The following WWP2 variants were observed in gnomAD, a reference collection of about 807,000 sequenced individuals.
WWP2 encodes the protein NEDD4-like E3 ubiquitin-protein ligase WWP2.
In WWP2, 57 loss-of-function variants were observed where a neutral mutation model predicts 121.0. The observed-to-expected ratio is 0.47, with a 90% CI of 0.38 to 0.59. The LOEUF is 0.59. Among genes scored for constraint, WWP2 ranks in the 20% least tolerant of loss-of-function variants. The probability of loss-of-function intolerance (pLI) is 0.00; values close to 1 mark genes in which losing one functional copy is unlikely to be tolerated. For synonymous variants in WWP2, 449 were observed against 441.3 expected (o/e 1.02, Z -0.22); for missense variants, 962 against 1,158.9 (o/e 0.83, Z 2.47).
In WWP2 at chr16:69,908,956, C is replaced by T. The variant is rs1299412833; in HGVS notation, c.1004+106C>T. 5.2e-5 allele frequency: 81 copies of T among 1,549,906 alleles called. No homozygotes were observed. In the Middle Eastern group the frequency reaches 6.6e-4, roughly 13 times the overall value. On this transcript the variant is annotated intron_variant, in intron 9 of 23. Coordinates refer to ENST00000359154, the MANE Select transcript of WWP2 (RefSeq NM_001270454.2). ...CTGCGGAGGTAGCATAGCACAGTGA[C>T]GTTTATTCCGGGTCACTTGATTGCT...
chr16:69,894,185 C>G (rs2058072598), intron 8 of WWP2, among the ~76,000 whole-genome samples: 2 of 151,936 alleles, frequency 1.3e-5, no homozygotes, highest in Non-Finnish European at 2.9e-5. Context: ...AAGTAATACT[C>G]CTGCCTCGGC....
chr16:69,919,549 G>A (rs975848045), intron 10 of WWP2, among the ~76,000 whole-genome samples: 3 of 152,174 alleles, frequency 2.0e-5, no homozygotes, highest in Non-Finnish European at 4.4e-5. Flanking sequence ...CCGTGTCCCT[G>A]TGGGAACCCT....
intron 6 of WWP2, among the ~76,000 whole-genome samples, chr16:69,869,940 A>T (rs546125067): frequency 2.6e-5 from 4 of 152,266 alleles, no homozygotes; most frequent in African/African-American, 9.6e-5. Flanking sequence ...GGAACTTTCT[A>T]TTATAGCTCT....
rs2038625869 is a variant in WWP2, at chr16:69,762,400, C to G, written c.-16+9C>G. On this transcript the variant is annotated intron_variant, in intron 1 of 23. Transcript: ENST00000359154. ...TTCTGTGGCCACGGCAGGTAGCGAG[C>G]GCTGGCGCGGGGGGCGCGGTGGGCT... 6.7e-6 allele frequency: 1 copy of G among 149,742 alleles called. No homozygotes were observed. The highest frequency in any genetic ancestry group is 1.5e-5 in the Non-Finnish European group (1 of 67,146). 9.3% of individuals were successfully genotyped at this position (149,742 alleles called of 1,614,324 possible).
chr16:69,855,479 G>A (rs1198757991), intron 6 of WWP2, among the ~76,000 whole-genome samples: 1 of 152,184 alleles, frequency 6.6e-6, no homozygotes, highest in East Asian at 1.9e-4. Flanking sequence ...GAATCCCAGA[G>A]TGTTCCTTTT....
At chr16:69,774,907 T>G (rs2055490925) in intron 1 of WWP2, 1 of 143,628 alleles carries the variant, frequency 7.0e-6, no homozygotes, top group Non-Finnish European at 1.5e-5. Context: ...GAGGTGGAGG[T>G]GCAGTGAGCT....
At chr16:69,835,497 A>G (rs2056860287) in intron 4 of WWP2, among the ~76,000 whole-genome samples, 3 of 152,248 alleles carry the variant, frequency 2.0e-5, no homozygotes, top group Admixed American at 2.0e-4. Flanking sequence ...TTTAATTATG[A>G]AATTTGCAAA....
At chr16:69,814,310 G>A (rs1171110479) in intron 4 of WWP2, among the ~76,000 whole-genome samples, 2 of 152,076 alleles carry the variant, frequency 1.3e-5, no homozygotes, top group African/African-American at 2.4e-5. Flanking sequence ...ACAGGCATGC[G>A]GTCCTGTGCC....
At chr16:69,767,964 A>G (rs1005495484) in intron 1 of WWP2, among the ~76,000 whole-genome samples, 10 of 152,124 alleles carry the variant, frequency 6.6e-5, no homozygotes, top group Non-Finnish European at 1.3e-4. Context: ...TAGCCTTCCA[A>G]GTAGCTGAGA....
At chr16:69,807,755 C>T (rs2056311984) in intron 4 of WWP2, among the ~76,000 whole-genome samples, 1 of 151,576 alleles carries the variant, frequency 6.6e-6, no homozygotes, top group Non-Finnish European at 1.5e-5. Context: ...GAATTTGAGA[C>T]CAGTCTGGGC....
At chr16:69,841,420 G>T (rs1476359160) in intron 5 of WWP2, among the ~76,000 whole-genome samples, 1 of 152,106 alleles carries the variant, frequency 6.6e-6, no homozygotes. Flanking sequence ...GTAAAGGGGT[G>T]GCTTGGCCTG....
intron 23 of WWP2, 92 bp downstream of exon 23, chr16:69,939,505 G>A (rs532016812): frequency 2.3e-5 from 31 of 1,367,436 alleles, no homozygotes; most frequent in African/African-American, 1.3e-4. Context: ...TCATAGCCTC[G>A]AGTCTGGCAG....
At chr16:69,852,029 G>A (rs192133518) in intron 6 of WWP2, among the ~76,000 whole-genome samples, 171 of 132,760 alleles carry the variant, frequency 1.3e-3, no homozygotes, top group Non-Finnish European at 1.5e-3. Context: ...ACTTGCTTGG[G>A]TAAATACAAA....
Position 69,925,383 on chromosome 16 carries a change from A to G in WWP2, c.1180-47A>G. 1 of 1,587,528 alleles carries G rather than the reference A, an allele frequency of 6.3e-7. No homozygotes were observed. The highest frequency in any genetic ancestry group is 8.6e-7 in the Non-Finnish European group (1 of 1,167,510). On this transcript the variant is annotated intron_variant, in intron 10 of 23. Transcript: ENST00000359154. The surrounding 1 kb of genome is among the most constrained non-coding windows in gnomAD (Gnocchi z 4.0). The stretch of plus-strand genomic sequence containing the variant: ...TTATTGATTGATTGATTTTTTCACC[A>G]GTGGCTTTTTGTAACCTCTGTGTTC...
intron 9 of WWP2, among the ~76,000 whole-genome samples, chr16:69,915,610 A>G (rs926514656): frequency 2.0e-5 from 3 of 152,246 alleles, no homozygotes; most frequent in African/African-American, 7.2e-5. Flanking sequence ...ACAGATGTAC[A>G]CATATACTAG....
chr16:69,775,449 C>A (rs981763470), intron 1 of WWP2, among the ~76,000 whole-genome samples: 6 of 152,112 alleles, frequency 3.9e-5, no homozygotes, highest in African/African-American at 1.4e-4. Flanking sequence ...ACTGATGAGC[C>A]CATCAAGGCA....
chr16:69,834,652 G>T (rs2056845230), intron 4 of WWP2, among the ~76,000 whole-genome samples: 2 of 150,086 alleles, frequency 1.3e-5, no homozygotes, highest in Admixed American at 1.3e-4. Flanking sequence ...TCAGCCTCCC[G>T]AGTTGTTGGG....
chr16:69,817,007 A>C (rs980765658), intron 4 of WWP2, among the ~76,000 whole-genome samples: 2 of 152,140 alleles, frequency 1.3e-5, no homozygotes, highest in African/African-American at 4.8e-5. Flanking sequence ...ACCTCTATAC[A>C]TTCTGCCTTC....
intron 1 of WWP2, 71 bp from the exon 2 acceptor site, chr16:69,786,925 T>G (rs527556601): frequency 7.5e-7 from 1 of 1,341,464 alleles, no homozygotes; most frequent in East Asian, 2.3e-5. Context: ...GCTTAAATAT[T>G]GAAATTGAGT....
Sources: allele counts gnomAD v4.1 joint callset (sites outside exome capture counted in the v4.1 genomes callset), GRCh38; gene constraint gnomAD v4.1.1; non-coding constraint Gnocchi (gnomAD v3.1); transcripts MANE v1.5; gene names NCBI Gene and HGNC (gene_info 2026-07-23, HGNC 2026-07-21).